The following TBCD variants were observed in gnomAD, a reference collection of about 807,000 sequenced individuals.
TBCD encodes the protein tubulin folding cofactor D, also known as tubulin-specific chaperone D.
TBCD carries 105 observed loss-of-function variants against 169.3 expected under a neutral mutation model. That is an observed-to-expected ratio of 0.62 (90% CI 0.53 to 0.73). The LOEUF (loss-of-function observed/expected upper bound fraction) is 0.73. TBCD is among the 30% of genes least tolerant of loss of function. TBCD has a pLI of 0.00. For missense variants in TBCD, 1,444 were observed against 1,600.1 expected (o/e 0.90, Z 1.66); for synonymous variants, 700 against 643.9 (o/e 1.09, Z -1.32).
chr17:82,797,826 A>G (rs1598554338), intron 8 of TBCD, 24 bp downstream of exon 8: 1 of 1,556,030 alleles, frequency 6.4e-7, no homozygotes, highest in East Asian at 2.3e-5. Flanking sequence ...TTAAGAGACG[A>G]TATCTTTGTG....
At chr17:82,860,084 G>A (rs902177406) in intron 13 of TBCD, among the ~76,000 whole-genome samples, 2 of 152,254 alleles carry the variant, frequency 1.3e-5, no homozygotes, top group Admixed American at 1.3e-4. Context: ...TGAGTATGGG[G>A]GCTGGGAGTC....
chr17:82,830,951 A>G, intron 13 of TBCD: 5 of 1,613,222 alleles, frequency 3.1e-6, no homozygotes, highest in Non-Finnish European at 3.4e-6. Context: ...GTGAGCAAGT[A>G]TAAGCCTGGC....
intron 35 of TBCD, 107 bp from the exon 36 acceptor site, chr17:82,937,942 C>T (rs745810352): frequency 2.3e-5 from 35 of 1,549,792 alleles, no homozygotes; most frequent in East Asian, 1.2e-4. Context: ...ACTGTGCTCA[C>T]GGATCTGCTC....
At position 82,890,602 on chromosome 17, in the gene TBCD, T is replaced by C. The variant is rs1288159129; in HGVS notation, c.1563+905T>C. ...GGCGGACGAGGACTTGCGCCTGTTA[T>C]TGAAATGGTTCTGGAGGAGCCTGGC... is the stretch of plus-strand genomic sequence containing the variant. On this transcript the variant is annotated intron_variant, in intron 16 of 38. Coordinates refer to ENST00000355528, the MANE Select transcript of TBCD (RefSeq NM_005993.5). The surrounding 1 kb of genome is among the most constrained non-coding windows in gnomAD (Gnocchi z 5.3). 1.3e-5 allele frequency among the ~76,000 whole-genome samples: 2 copies of C among 152,090 alleles called. No individual in the cohort carries two copies. The highest frequency in any genetic ancestry group is 2.9e-5 in the Non-Finnish European group (2 of 68,020).
intron 2 of TBCD, among the ~76,000 whole-genome samples, chr17:82,758,320 G>T (rs1366223134): frequency 1.5e-5 from 2 of 135,522 alleles, no homozygotes; most frequent in African/African-American, 5.4e-5. Flanking sequence ...GGAGGCAGAG[G>T]TTGCAGTGAG....
chr17:82,889,714 A>G lies in TBCD; in HGVS notation c.1563+17A>G. 1 of 1,612,802 alleles carries G rather than the reference A, an allele frequency of 6.2e-7. No individual in the cohort carries two copies. On this transcript the variant is annotated intron_variant, in intron 16 of 38. Coordinates refer to ENST00000355528, the MANE Select transcript of TBCD (RefSeq NM_005993.5). The surrounding 1 kb of genome is among the most constrained non-coding windows in gnomAD (Gnocchi z 5.3). Reference sequence around the variant, plus strand: ...GGGAGACAGGTATGGCTGCTTTCAAACACCTTTATTCCAAAAACTTCCTGC... The same window carrying G: ...GGGAGACAGGTATGGCTGCTTTCAAGCACCTTTATTCCAAAAACTTCCTGC...
Position 82,920,478 on chromosome 17 carries a change from T to G in TBCD, c.2039-78T>G. 1 of 1,279,036 alleles carries G rather than the reference T, an allele frequency of 7.8e-7. No individual in the cohort carries two copies. The highest frequency in any genetic ancestry group is 1.3e-5 in the South Asian group (1 of 75,242). The allele number at this position is 1,279,036 out of a possible 1,614,324, so 79.2% of individuals were successfully genotyped here. On this transcript the variant is annotated intron_variant, in intron 23 of 38. Coordinates refer to ENST00000355528, the MANE Select transcript of TBCD (RefSeq NM_005993.5). The surrounding 1 kb of genome is among the most constrained non-coding windows in gnomAD (Gnocchi z 4.1). Reference sequence around the variant, plus strand: ...GGAGCTGGCCGCACACAACTCAGAATGTGGCAAAGGCAAGCCGCTGTGGCA... The same window carrying G: ...GGAGCTGGCCGCACACAACTCAGAAGGTGGCAAAGGCAAGCCGCTGTGGCA...
At chr17:82,775,402 A>G (rs931354654) in intron 6 of TBCD, among the ~76,000 whole-genome samples, 19 of 152,092 alleles carry the variant, frequency 1.2e-4, no homozygotes, top group Non-Finnish European at 2.6e-4. Flanking sequence ...GCAGGTTCTG[A>G]GTTTCCTGTA....
rs2061640992 is a variant in TBCD, at chr17:82,925,133, G to A, written c.2379+76G>A. 7.7e-6 allele frequency: 9 copies of A among 1,173,368 alleles called. No homozygotes were observed. The Admixed American group carries it at 1.3e-4, about 17-fold the overall frequency. 72.7% of individuals were successfully genotyped at this position (1,173,368 alleles called of 1,614,324 possible). A position where few individuals can be genotyped will look rare whatever the true frequency, so the allele number is the denominator to read the frequency against. The stretch of plus-strand genomic sequence containing the variant: ...CCTCGTGTGTTGGGGCATGAGGTAG[G>A]CCCAGCCGTTAATAAACCCATCAGT... On this transcript the variant is annotated intron_variant, in intron 27 of 38. Transcript: ENST00000355528.
At chr17:82,861,859 A>G (rs1411989665) in intron 13 of TBCD, among the ~76,000 whole-genome samples, 1 of 152,186 alleles carries the variant, frequency 6.6e-6, no homozygotes, top group Non-Finnish European at 1.5e-5. Context: ...GTGCTTTCAT[A>G]GAGAACGTTT....
In TBCD at chr17:82,789,607, G is replaced by A. The variant is rs1052829622; in HGVS notation, c.771+7886G>A. ...GTGCCCCTGCCCTCTCCCCTGCCCC[G>A]CCCTCACCTGGCTCACAGACCCGTG... On this transcript the variant is annotated intron_variant, in intron 7 of 38. Transcript: ENST00000355528. The surrounding 1 kb of genome is among the most constrained non-coding windows in gnomAD (Gnocchi z 4.8). Among the ~76,000 whole-genome samples the A allele has an allele frequency of 2.0e-5, 3 of 152,086 alleles. No homozygotes were observed. Among genetic ancestry groups the A allele is most frequent in the Admixed American group, 6.5e-5 (1 of 15,280 alleles).
chr17:82,822,172 A>G (rs146177249), intron 13 of TBCD, among the ~76,000 whole-genome samples: 299 of 152,334 alleles, frequency 2.0e-3, no homozygotes, highest in Non-Finnish European at 3.4e-3. Flanking sequence ...CGTACTTCCT[A>G]TGACAAGTGC....
chr17:82,919,577 C>T (rs540950846), intron 23 of TBCD, among the ~76,000 whole-genome samples: 2 of 152,152 alleles, frequency 1.3e-5, no homozygotes, highest in African/African-American at 4.8e-5. Flanking sequence ...AGCAGACTCA[C>T]GTGGCCGTGG....
chr17:82,759,888 GT>G (rs71885635), intron 2 of TBCD, among the ~76,000 whole-genome samples: 56,279 of 120,630 alleles, frequency 0.47, 10,724 homozygotes, highest in South Asian at 0.55. Flanking sequence ...TCGTTTGTTT[GT>G]TTTTTTTTTT....
Position 82,800,888 on chromosome 17 carries a change from A to T in TBCD, c.842A>T (p.Asp281Val). The T allele has an allele frequency of 1.2e-6, 2 of 1,612,638 alleles. No individual in the cohort carries two copies. Among genetic ancestry groups the T allele is most frequent in the Middle Eastern group, 1.7e-4 (1 of 5,978 alleles). Residue 281 changes from aspartate (D) to valine (V), a missense_variant, in exon 9 of 39, where the codon GAT (aspartate) becomes GTT (valine). Physicochemically the swap from Asp to Val is radical, Grantham distance 152. Transcript: ENST00000355528. ...GCTGCCACTGTCCTCAGGTGCCTCGATGGCTGCAGACTCCCTGAGAGCAAC... is the reference window on the plus strand; with the variant it reads ...GCTGCCACTGTCCTCAGGTGCCTCGTTGGCTGCAGACTCCCTGAGAGCAAC... ...PYAATVLRCL[D>V]GCRLPESNQT...
At chr17:82,939,113 A>T in intron 36 of TBCD, 1 of 543,324 alleles carries the variant, frequency 1.8e-6, no homozygotes, top group Non-Finnish European at 3.3e-6. Context: ...TAAAGCATTT[A>T]AACAAGAATG....
At chr17:82,856,835 C>T (rs1191658213) in intron 13 of TBCD, among the ~76,000 whole-genome samples, 3 of 136,092 alleles carry the variant, frequency 2.2e-5, no homozygotes, top group Admixed American at 2.1e-4. Flanking sequence ...CGTGCGGACC[C>T]TCGGTGCGCA....
chr17:82,818,619 A>T (rs949066835), intron 13 of TBCD, among the ~76,000 whole-genome samples: 1 of 152,158 alleles, frequency 6.6e-6, no homozygotes, highest in African/African-American at 2.4e-5. Context: ...AAACACACAC[A>T]CACAAACACT....
chr17:82,850,049 TGTTGTTG>T (rs2055569672), intron 13 of TBCD, among the ~76,000 whole-genome samples: 2 of 93,996 alleles, frequency 2.1e-5, no homozygotes, highest in African/African-American at 7.8e-5. Context: ...TTGGCTGTGC[TGTTGTTG>T]GCTGTGCTGC....
Sources: allele counts gnomAD v4.1 joint callset (sites outside exome capture counted in the v4.1 genomes callset), GRCh38; gene constraint gnomAD v4.1.1; non-coding constraint Gnocchi (gnomAD v3.1); transcripts MANE v1.5; gene names NCBI Gene and HGNC (gene_info 2026-07-23, HGNC 2026-07-21).